Variants in MIA2 observed in about 807,000 individuals in gnomAD.
MIA2 encodes MIA SH3 domain ER export factor 2.
MIA2 carries 127 observed loss-of-function variants against 167.8 expected under a neutral mutation model. The ratio of observed to expected loss-of-function variants is 0.76; its 90% confidence interval spans 0.66 to 0.88. MIA2 has a LOEUF of 0.88. Ranked by LOEUF, MIA2 falls within the 40% of genes least tolerant of loss-of-function variation. The probability of loss-of-function intolerance (pLI) is 0.00; values close to 1 mark genes in which losing one functional copy is unlikely to be tolerated. For missense variants in MIA2, 1,690 were observed against 1,624.7 expected (o/e 1.04, Z -0.69); for synonymous variants, 552 against 541.9 (o/e 1.02, Z -0.26).
chr14:39,239,390 C>T (rs559168973), intron 2 of MIA2, among the ~76,000 whole-genome samples: 1 of 152,130 alleles, frequency 6.6e-6, no homozygotes, highest in South Asian at 2.1e-4. Context: ...CACACACACA[C>T]ACAAATTAGT....
chr14:39,254,563 A>G (rs2054730398), intron 6 of MIA2, among the ~76,000 whole-genome samples: 1 of 152,194 alleles, frequency 6.6e-6, no homozygotes, highest in Admixed American at 6.5e-5. Flanking sequence ...CTCAAATGAA[A>G]TGAGTGAAGT....
At chr14:39,304,197 G>A in intron 16 of MIA2, 94 bp from the exon 17 acceptor site, 3 of 508,430 alleles carry the variant, frequency 5.9e-6, no homozygotes, top group Non-Finnish European at 1.0e-5. Flanking sequence ...CACTTAAAAA[G>A]TGTTAGGGGG....
At chr14:39,293,170 A>T in intron 10 of MIA2, 101 bp from the exon 11 acceptor site, 1 of 824,714 alleles carries the variant, frequency 1.2e-6, no homozygotes. Flanking sequence ...TGTATAAATG[A>T]AAGTTATTTA....
intron 24 of MIA2, among the ~76,000 whole-genome samples, chr14:39,322,862 C>G (rs528188286): frequency 6.6e-6 from 1 of 152,186 alleles, no homozygotes; most frequent in African/African-American, 2.4e-5. Flanking sequence ...TTTATAAGAG[C>G]TGATGGCATT....
In MIA2 at chr14:39,293,289, A is replaced by T; in HGVS notation, c.2227A>T (p.Asn743Tyr). 1 of 1,611,588 alleles carries T rather than the reference A, an allele frequency of 6.2e-7. No homozygotes were observed. Among genetic ancestry groups the T allele is most frequent in the South Asian group, 1.1e-5 (1 of 90,656 alleles). Residue 743 changes from asparagine to tyrosine, a missense_variant, in exon 11 of 29, where the codon AAC (asparagine) becomes TAC (tyrosine). Physicochemically the swap from Asn to Tyr is moderately radical, Grantham distance 143 (BLOSUM62 -2). Coordinates refer to ENST00000640607, the MANE Select transcript of MIA2 (RefSeq NM_001329214.4). ...CTCTTAGGCAACCTGTGAAAAGCTGAACAGGTCCAATTCTGAACTTGAGGA... is the reference window on the plus strand; with the variant it reads ...CTCTTAGGCAACCTGTGAAAAGCTGTACAGGTCCAATTCTGAACTTGAGGA... ...QSLEATCEKL[N>Y]RSNSELEDEI...
At position 39,383,680 on chromosome 14, in the gene MIA2, G is replaced by A. The variant is rs970606875; in HGVS notation, c.2249-3205G>A. On this transcript the variant is annotated intron_variant, in intron 23 of 23. Transcript: ENST00000341502. ...GGAGAAGTTCTTGAAGGAAAGTATA[G>A]GTGCTACTTCATTGAACACATGAAT... Among the ~76,000 whole-genome samples the A allele has an allele frequency of 1.2e-4, 18 of 152,316 alleles. No homozygotes were observed. In the East Asian group the frequency reaches 3.5e-3, roughly 29 times the overall value.
At chr14:39,269,701 T>TA in intron 6 of MIA2, among the ~76,000 whole-genome samples, 1 of 151,950 alleles carries the variant, frequency 6.6e-6, no homozygotes, top group Admixed American at 6.6e-5. Context: ...TTGTATTTTT[T>TA]GTAGAGACAG....
chr14:39,380,587 G>T (rs1054456912), intron 23 of MIA2, among the ~76,000 whole-genome samples: 2 of 151,650 alleles, frequency 1.3e-5, no homozygotes, highest in African/African-American at 2.4e-5. Context: ...CAGCTACTAG[G>T]GAGGCTGAGG....
intron 6 of MIA2, chr14:39,269,102 T>C: frequency 1.1e-6 from 1 of 888,758 alleles, no homozygotes; most frequent in Non-Finnish European, 1.3e-6. Flanking sequence ...TTTTTTTTGC[T>C]AAATGCGAGT....
intron 9 of MIA2, among the ~76,000 whole-genome samples, chr14:39,288,459 A>ATTTTTTTTTTTTTT (rs1566747774): frequency 5.8e-5 from 1 of 17,282 alleles, no homozygotes; most frequent in African/African-American, 1.4e-4. Context: ...ATATATATAT[A>ATTTTTTTTTTTTTT]TATATATATA....
intron 2 of MIA2, 87 bp downstream of exon 2, chr14:39,237,142 A>T (rs776551634): frequency 6.2e-6 from 9 of 1,456,478 alleles, no homozygotes; most frequent in Non-Finnish European, 7.5e-6. Flanking sequence ...TTTTTTGGAA[A>T]CAGGGCCTGG....
intron 9 of MIA2, among the ~76,000 whole-genome samples, chr14:39,290,628 T>A (rs1262301297): frequency 6.6e-6 from 1 of 152,222 alleles, no homozygotes; most frequent in Non-Finnish European, 1.5e-5. Context: ...GGTTTACTTG[T>A]TTGGGGCATA....
chr14:39,350,121 G>A lies in MIA2; in HGVS notation c.4096G>A (p.Gly1366Ser), dbSNP rs751564209. 3.6e-6 allele frequency: 5 copies of A among 1,374,078 alleles called. No individual in the cohort carries two copies. 85.1% of individuals were successfully genotyped at this position (1,374,078 alleles called of 1,614,324 possible). A position where few individuals can be genotyped will look rare whatever the true frequency, so the allele number is the denominator to read the frequency against. The change falls in exon 29 of 29, where the codon GGT (glycine) becomes AGT (serine). Residue 1366 changes from glycine to serine, a missense_variant. Coordinates refer to ENST00000640607, the MANE Select transcript of MIA2 (RefSeq NM_001329214.4). ...AGTGAGAAATGTCTATCCACCGAGG[G>A]GTTTTCCTCCTTACCTTCCCCCAAG... is the stretch of plus-strand genomic sequence containing the variant. ...FAMRNVYPPR[G>S]FPPYLPPRPG...
intron 25 of MIA2, among the ~76,000 whole-genome samples, chr14:39,340,085 C>G (rs923910206): frequency 5.3e-5 from 8 of 152,176 alleles, no homozygotes; most frequent in African/African-American, 9.7e-5. Flanking sequence ...TCAAGCAATC[C>G]TCCCACCTTG....
intron 23 of MIA2, among the ~76,000 whole-genome samples, chr14:39,375,303 A>G (rs2075023957): frequency 6.6e-6 from 1 of 152,188 alleles, no homozygotes; most frequent in South Asian, 2.1e-4. Context: ...ATTAGTTCAT[A>G]CTTTATTCAT....
intron 2 of MIA2, among the ~76,000 whole-genome samples, chr14:39,238,793 C>CTAAAAAAAA (rs2053891210): frequency 3.2e-5 from 1 of 30,806 alleles, no homozygotes; most frequent in African/African-American, 1.8e-4. Context: ...GACCCTGTCT[C>CTAAAAAAAA]AAAAAAAAAA....
intron 13 of MIA2, among the ~76,000 whole-genome samples, chr14:39,295,943 T>G (rs2061367507): frequency 6.6e-6 from 1 of 152,246 alleles, no homozygotes; most frequent in Non-Finnish European, 1.5e-5. Flanking sequence ...CTTATCCGGT[T>G]CATCTGTATG....
Position 39,253,241 on chromosome 14 carries a change from T to C in MIA2, c.1887+70T>C. 1.3e-6 allele frequency: 2 copies of C among 1,570,178 alleles called. No homozygotes were observed. Among genetic ancestry groups the C allele is most frequent in the South Asian group, 1.1e-5 (1 of 87,886 alleles). ...GCTAAATATAAGAGTGGCTACAAAA[T>C]ATGTTTGAATGAATCCTCCCTGTTT... On this transcript the variant is annotated intron_variant, in intron 6 of 28. Transcript: ENST00000640607.
At position 39,359,338 on chromosome 14, in the gene MIA2, G is replaced by A. The variant is rs150673908; in HGVS notation, c.2248+10361G>A. ...CAATGAGTGAGGCTCCGTGGGCGTA[G>A]GACCCTTTGAGCCAGGCGTGGGATA... On this transcript the variant is annotated intron_variant, in intron 23 of 23. Coordinates refer to the MIA2 transcript ENST00000341502. Among the ~76,000 whole-genome samples the A allele has an allele frequency of 1.5e-3, 235 of 152,334 alleles. 4 individuals are homozygous for A. In the East Asian group the frequency reaches 0.026, roughly 17 times the overall value.
Sources: gnomAD v4.1 joint callset for allele counts (sites outside exome capture counted in the v4.1 genomes callset) on GRCh38, gnomAD v4.1.1 for gene constraint, MANE v1.5 for transcripts, NCBI Gene and HGNC (gene_info 2026-07-23, HGNC 2026-07-21) for gene names.